CPNE4: variants seen among roughly 807,000 people sequenced by gnomAD.
The protein encoded by CPNE4 is copine 4.
A neutral mutation model predicts 67.9 loss-of-function variants in CPNE4; 25 were observed. That is an observed-to-expected ratio of 0.37 (90% confidence interval 0.27 to 0.51). The LOEUF is 0.51. Ranked by LOEUF, CPNE4 falls within the 20% of genes least tolerant of loss-of-function variation. The pLI, the probability that CPNE4 is intolerant of heterozygous loss-of-function variation, is 0.93. For missense variants in CPNE4, 464 were observed against 690.8 expected (o/e 0.67, Z 3.68); for synonymous variants, 242 against 244.9 (o/e 0.99, Z 0.11).
At chr3:131,677,014 C>T (rs868106363) in intron 6 of CPNE4, among the ~76,000 whole-genome samples, 1 of 151,360 alleles carries the variant, frequency 6.6e-6, no homozygotes, top group Middle Eastern at 3.4e-3. Flanking sequence ...AAAAGCATTC[C>T]TTTTTCTCCA....
chr3:131,919,303 T>C (rs1033019530), intron 1 of CPNE4, among the ~76,000 whole-genome samples: 4 of 152,082 alleles, frequency 2.6e-5, no homozygotes, highest in African/African-American at 9.7e-5. Flanking sequence ...AACAGCAACA[T>C]GCAGCCTAAG....
chr3:131,982,628 T>C (rs1007123053), intron 1 of CPNE4, among the ~76,000 whole-genome samples: 2 of 152,190 alleles, frequency 1.3e-5, no homozygotes, highest in African/African-American at 4.8e-5. Flanking sequence ...GAGTCATTGG[T>C]GGTATATTAT....
intron 2 of CPNE4, among the ~76,000 whole-genome samples, chr3:131,899,109 T>C (rs558467687): frequency 6.6e-6 from 1 of 152,098 alleles, no homozygotes; most frequent in Non-Finnish European, 1.5e-5. Context: ...AATTTTCATT[T>C]TCTAGCTCTC....
At chr3:131,730,195 T>C (rs1335647598) in intron 2 of CPNE4, among the ~76,000 whole-genome samples, 3 of 152,222 alleles carry the variant, frequency 2.0e-5, no homozygotes, top group African/African-American at 7.2e-5. Context: ...TGATGATATA[T>C]TGTTTAATTG....
intron 2 of CPNE4, among the ~76,000 whole-genome samples, chr3:131,845,826 T>C (rs1560451315): frequency 6.6e-6 from 1 of 152,198 alleles, no homozygotes; most frequent in Non-Finnish European, 1.5e-5. Flanking sequence ...GTATTTAATG[T>C]GGCAGAGATT....
chr3:131,895,573 T>C (rs1310582820), intron 2 of CPNE4, among the ~76,000 whole-genome samples: 7 of 152,044 alleles, frequency 4.6e-5, no homozygotes, highest in Admixed American at 4.6e-4. Context: ...TTTTTTTTGT[T>C]TTTCATAAAC....
At chr3:131,678,683 A>G (rs897602793) in intron 6 of CPNE4, among the ~76,000 whole-genome samples, 8 of 152,278 alleles carry the variant, frequency 5.3e-5, no homozygotes, top group East Asian at 3.9e-4. Flanking sequence ...TTCTGCATCT[A>G]TTGAGGTAAT....
At chr3:131,878,775 G>T (rs9289401) in intron 2 of CPNE4, among the ~76,000 whole-genome samples, 95,570 of 151,180 alleles carry the variant, frequency 0.63, 30,373 homozygotes, top group Admixed American at 0.72. Context: ...AACTAGATGG[G>T]GTATGCGCTT....
chr3:131,788,585 A>G (rs1013976815), intron 2 of CPNE4, among the ~76,000 whole-genome samples: 1 of 152,136 alleles, frequency 6.6e-6, no homozygotes, highest in Non-Finnish European at 1.5e-5. Context: ...TCTTGAGGAC[A>G]CTTTGTCTAT....
intron 2 of CPNE4, among the ~76,000 whole-genome samples, chr3:131,788,728 G>A (rs2083630321): frequency 6.6e-6 from 1 of 151,952 alleles, no homozygotes; most frequent in Non-Finnish European, 1.5e-5. Flanking sequence ...CAATTACTGT[G>A]CAGCGATTAA....
At chr3:131,813,460 A>G (rs2107946276) in intron 2 of CPNE4, among the ~76,000 whole-genome samples, 1 of 149,014 alleles carries the variant, frequency 6.7e-6, no homozygotes, top group Non-Finnish European at 1.5e-5. Flanking sequence ...TATTTTAAAA[A>G]TATATTTTAT....
chr3:131,784,259 G>A (rs1200460107), intron 2 of CPNE4, among the ~76,000 whole-genome samples: 1 of 151,956 alleles, frequency 6.6e-6, no homozygotes, highest in Admixed American at 6.6e-5. Context: ...ATCTTTGAGT[G>A]TTTCTGACTA....
rs2088045452 is a variant in CPNE4, at chr3:131,890,041, A to G, written c.180+15223T>C. 3.3e-5 allele frequency among the ~76,000 whole-genome samples: 5 copies of G among 152,304 alleles called. No homozygotes were observed. In the South Asian group the frequency reaches 1.0e-3, roughly 32 times the overall value. On this transcript the variant is annotated intron_variant, in intron 2 of 15. Transcript: ENST00000429747. The stretch of plus-strand genomic sequence containing the variant: ...AAATTGATTTGTGCAATGTTTTTTA[A>G]TATGACACCAAAAGCACAGGCACCA...
intron 3 of CPNE4, 142 bp from the exon 4 acceptor site, chr3:131,700,122 T>C (rs3883881): frequency 0.27 from 134,927 of 504,328 alleles, 22,726 homozygotes; most frequent in African/African-American, 0.32. Context: ...ATTTCAGGGT[T>C]TGTCAATGAG....
At chr3:131,804,436 A>C (rs890350482) in intron 2 of CPNE4, among the ~76,000 whole-genome samples, 1 of 152,206 alleles carries the variant, frequency 6.6e-6, no homozygotes, top group African/African-American at 2.4e-5. Flanking sequence ...TTGTGAATAA[A>C]TGCCTAGAAT....
At chr3:131,857,859 TAGCAATTTCC>T (rs1290695830) in intron 2 of CPNE4, among the ~76,000 whole-genome samples, 4 of 151,972 alleles carry the variant, frequency 2.6e-5, no homozygotes, top group African/African-American at 9.6e-5. Context: ...CCTAACAACA[TAGCAATTTCC>T]AGCAGGTGTT....
chr3:131,776,754 T>C (rs1288345875), intron 2 of CPNE4, among the ~76,000 whole-genome samples: 1 of 152,116 alleles, frequency 6.6e-6, no homozygotes, highest in African/African-American at 2.4e-5. Flanking sequence ...ATTTATTGCA[T>C]CTTGTTGGAC....
At chr3:131,889,305 T>TG (rs2088015987) in intron 2 of CPNE4, among the ~76,000 whole-genome samples, 1 of 152,204 alleles carries the variant, frequency 6.6e-6, no homozygotes, top group South Asian at 2.1e-4. Flanking sequence ...TTCATTATCC[T>TG]GTTAGCCAAT....
intron 2 of CPNE4, among the ~76,000 whole-genome samples, chr3:131,746,863 G>T (rs2107789727): frequency 6.6e-6 from 1 of 152,144 alleles, no homozygotes; most frequent in South Asian, 2.1e-4. Context: ...TCCCATAATG[G>T]CTGTATTAAC....
Sources: allele counts gnomAD v4.1 joint callset (sites outside exome capture counted in the v4.1 genomes callset), GRCh38; gene constraint gnomAD v4.1.1; transcripts MANE v1.5; gene names NCBI Gene and HGNC (gene_info 2026-07-23, HGNC 2026-07-21).